The following BCL2L13 variants were observed in gnomAD, a reference collection of about 807,000 sequenced individuals.
The protein encoded by BCL2L13 is BCL2 like 13, also known as bcl-2-like protein 13.
A neutral mutation model predicts 25.8 loss-of-function variants in BCL2L13; 13 were observed. The ratio of observed to expected loss-of-function variants is 0.50; its 90% CI spans 0.33 to 0.80. BCL2L13 has a LOEUF of 0.80. Ranked by LOEUF, BCL2L13 falls within the 30% of genes least tolerant of loss-of-function variation. The pLI, the probability that BCL2L13 is intolerant of heterozygous loss-of-function variation, is 0.02. For synonymous variants in BCL2L13, 244 were observed against 230.3 expected, an observed-to-expected ratio of 1.06 and a Z score of -0.54; for missense variants, 504 against 574.9, an observed-to-expected ratio of 0.88 and a Z score of 1.26.
At chr22:17,640,276 T>C (rs767943678) in intron 1 of BCL2L13, among the ~76,000 whole-genome samples, 1 of 152,226 alleles carries the variant, frequency 6.6e-6, no homozygotes, top group Non-Finnish European at 1.5e-5. Flanking sequence ...ATTGAAAATC[T>C]TTTTACTAGG....
At chr22:17,699,937 G>A (rs972457281) in intron 5 of BCL2L13, among the ~76,000 whole-genome samples, 28 of 152,170 alleles carry the variant, frequency 1.8e-4, no homozygotes, top group African/African-American at 6.7e-4. Context: ...CAGTGGCCTT[G>A]GACGTCATCA....
chr22:17,648,129 A>AG (rs1036480360), intron 1 of BCL2L13, among the ~76,000 whole-genome samples: 1 of 152,074 alleles, frequency 6.6e-6, no homozygotes, highest in Non-Finnish European at 1.5e-5. Flanking sequence ...TCAAAAAAAA[A>AG]AAAAGAAATG....
At chr22:17,721,195 C>T (rs559588973) in intron 6 of BCL2L13, among the ~76,000 whole-genome samples, 3 of 151,832 alleles carry the variant, frequency 2.0e-5, no homozygotes, top group African/African-American at 4.8e-5. Flanking sequence ...ATATATATTT[C>T]CACGTGCCCC....
intron 3 of BCL2L13, 113 bp downstream of exon 3, chr22:17,683,434 C>A: frequency 1.6e-6 from 1 of 606,378 alleles, no homozygotes; most frequent in Non-Finnish European, 2.9e-6. Flanking sequence ...CAACTTACAC[C>A]AATTATACAT....
intron 6 of BCL2L13, among the ~76,000 whole-genome samples, chr22:17,711,270 T>C (rs142816027): frequency 2.6e-5 from 4 of 151,546 alleles, no homozygotes; most frequent in African/African-American, 9.7e-5. Flanking sequence ...AATTTTCAGT[T>C]TGTTGACTTT....
chr22:17,720,413 C>G (rs2535680), intron 6 of BCL2L13, among the ~76,000 whole-genome samples: 131,068 of 152,026 alleles, frequency 0.86, 56,696 homozygotes, highest in East Asian at 0.94. Flanking sequence ...CCGGAGTGCA[C>G]TGGCGCGATC....
intron 5 of BCL2L13, among the ~76,000 whole-genome samples, chr22:17,699,974 A>C (rs889699025): frequency 2.5e-4 from 38 of 152,106 alleles, no homozygotes; most frequent in Non-Finnish European, 3.8e-4. Context: ...TAGCATGCCA[A>C]ATAGGTAAGC....
chr22:17,682,836 C>A (rs1209837662), intron 2 of BCL2L13, among the ~76,000 whole-genome samples: 1 of 152,126 alleles, frequency 6.6e-6, no homozygotes, highest in East Asian at 1.9e-4. Context: ...TTTGGCTTAA[C>A]AAATTGCTAT....
At chr22:17,637,383 G>A (rs2058128874), upstream of BCL2L13, among the ~76,000 whole-genome samples, 2 of 150,754 alleles carry the variant, frequency 1.3e-5, no homozygotes, top group Non-Finnish European at 3.0e-5. Context: ...CTCCAGCCTG[G>A]GCGACAGAGT....
At position 17,644,131 on chromosome 22, in the gene BCL2L13, G is replaced by A. The variant is rs560843119; in HGVS notation, c.-51+5245G>A. On this transcript the variant is annotated intron_variant, in intron 1 of 6. Transcript: ENST00000317582. ...TCACCATGTTGGCCAGGCTGGTCTCGAACTCCCGACCTTAGGTGATCTGCC... is the reference window on the plus strand; with the variant it reads ...TCACCATGTTGGCCAGGCTGGTCTCAAACTCCCGACCTTAGGTGATCTGCC... Among the ~76,000 whole-genome samples, 9 of 150,346 alleles carry A rather than the reference G, an allele frequency of 6.0e-5. No individual in the cohort carries two copies. The East Asian group carries it at 1.2e-3, about 20-fold the overall frequency.
chr22:17,631,376 T>A (rs2058010188), intron 1 of BCL2L13, among the ~76,000 whole-genome samples: 1 of 150,830 alleles, frequency 6.6e-6, no homozygotes, highest in African/African-American at 2.4e-5. Flanking sequence ...GGATGACAGG[T>A]GTGAGCCACC....
chr22:17,708,041 T>G (rs191981152), intron 6 of BCL2L13, among the ~76,000 whole-genome samples: 41 of 152,346 alleles, frequency 2.7e-4, no homozygotes, highest in Non-Finnish European at 4.7e-4. Context: ...TACATTTATT[T>G]TGATACGTTC....
chr22:17,650,394 A>G (rs16980991), intron 1 of BCL2L13, among the ~76,000 whole-genome samples: 2,260 of 152,220 alleles, frequency 0.015, 57 homozygotes, highest in African/African-American at 0.05. Context: ...TTAAGATTAT[A>G]CCAGTATTTT....
At chr22:17,641,242 G>C (rs1289350951) in intron 1 of BCL2L13, among the ~76,000 whole-genome samples, 1 of 152,150 alleles carries the variant, frequency 6.6e-6, no homozygotes, top group Non-Finnish European at 1.5e-5. Flanking sequence ...AAACACAAGT[G>C]TTAAACATTC....
Position 17,656,495 on chromosome 22 carries a change from A to T in BCL2L13, c.121+663A>T, listed in dbSNP as rs2058870389. Among the ~76,000 whole-genome samples the T allele has an allele frequency of 2.0e-5, 3 of 150,444 alleles. No homozygotes were observed. The South Asian group carries it at 6.3e-4, about 32-fold the overall frequency. On this transcript the variant is annotated intron_variant, in intron 2 of 6. Coordinates refer to ENST00000317582, the MANE Select transcript of BCL2L13 (RefSeq NM_015367.4). ...CCCGAGTAGCTGGGATTACAGGTGCACACCACCATGCCCGGCTAATTTTTG... is the reference window on the plus strand; with the variant it reads ...CCCGAGTAGCTGGGATTACAGGTGCTCACCACCATGCCCGGCTAATTTTTG...
At chr22:17,640,223 C>T (rs1055790051) in intron 1 of BCL2L13, among the ~76,000 whole-genome samples, 7 of 152,124 alleles carry the variant, frequency 4.6e-5, no homozygotes, top group Non-Finnish European at 7.3e-5. Flanking sequence ...CCCTCTCTCC[C>T]CCAAGTGAAG....
At chr22:17,645,785 TA>T (rs1568922061) in intron 1 of BCL2L13, among the ~76,000 whole-genome samples, 1 of 151,532 alleles carries the variant, frequency 6.6e-6, no homozygotes, top group Non-Finnish European at 1.5e-5. Context: ...GAAGTTAGTC[TA>T]GGTTTCCTTA....
At chr22:17,654,046 C>T (rs564220044) in intron 1 of BCL2L13, among the ~76,000 whole-genome samples, 1 of 152,140 alleles carries the variant, frequency 6.6e-6, no homozygotes, top group Admixed American at 6.6e-5. Context: ...TACCTTGCAG[C>T]TTAATAAATG....
intron 2 of BCL2L13, among the ~76,000 whole-genome samples, chr22:17,667,800 C>T (rs535326476): frequency 5.3e-5 from 8 of 151,428 alleles, no homozygotes; most frequent in East Asian, 4.0e-4. Flanking sequence ...TGAGCCACCG[C>T]GGGCAGTTGT....
Sources: gnomAD v4.1 joint callset for allele counts (sites outside exome capture counted in the v4.1 genomes callset) on GRCh38, gnomAD v4.1.1 for gene constraint, MANE v1.5 for transcripts, NCBI Gene and HGNC (gene_info 2026-07-23, HGNC 2026-07-21) for gene names.